Variants in GFRA2 observed in about 807,000 individuals in gnomAD.
GFRA2 encodes the protein GDNF family receptor alpha-2.
Under a neutral mutation model 48.3 loss-of-function variants are expected in GFRA2, and 17 were observed. The observed-to-expected ratio is 0.35, with a 90% CI of 0.24 to 0.53. The LOEUF is 0.53. Ranked by LOEUF, GFRA2 falls within the 20% of genes least tolerant of loss-of-function variation. The pLI is 0.93. For missense variants in GFRA2, 660 were observed against 637.3 expected, an observed-to-expected ratio of 1.04 and a Z score of -0.38; for synonymous variants, 305 against 257.2, an observed-to-expected ratio of 1.19 and a Z score of -1.78.
intron 1 of GFRA2, among the ~76,000 whole-genome samples, chr8:21,811,870 A>G (rs915078457): frequency 9.2e-5 from 14 of 152,058 alleles, no homozygotes; most frequent in African/African-American, 3.1e-4. Context: ...ACCCTTGCCC[A>G]TTTTCCCTGA....
chr8:21,776,078 CATCCAGGCAGGGCCTGGT>C lies in GFRA2; in HGVS notation c.356-1041_356-1024del, dbSNP rs1477112769. Among the ~76,000 whole-genome samples, 17 of 150,584 alleles carry C rather than the reference CATCCAGGCAGGGCCTGGT, an allele frequency of 1.1e-4. No homozygotes were observed. In the East Asian group the frequency reaches 1.2e-3, roughly 10 times the overall value. ...GGCACAGCCTCACAGACTCATTTCC[CATCCAGGCAGGGCCTGGT>C]GCCCAGGCAGGCACCCTCTGCCTAA... On this transcript the variant is annotated intron_variant, in intron 2 of 8. Coordinates refer to ENST00000524240, the MANE Select transcript of GFRA2 (RefSeq NM_001495.5).
intron 3 of GFRA2, among the ~76,000 whole-genome samples, chr8:21,755,343 C>A (rs1805517132): frequency 6.6e-6 from 1 of 152,004 alleles, no homozygotes. Context: ...ACTCTCTGTA[C>A]CTTCCTCTCA....
chr8:21,745,461 C>G (rs1804959151), intron 4 of GFRA2, among the ~76,000 whole-genome samples: 1 of 152,390 alleles, frequency 6.6e-6, no homozygotes, highest in Admixed American at 6.5e-5. Context: ...GGACACCCAT[C>G]AAGGCCGGCT....
intron 5 of GFRA2, 72 bp from the exon 6 acceptor site, chr8:21,705,197 C>G: frequency 6.7e-7 from 1 of 1,500,972 alleles, no homozygotes; most frequent in African/African-American, 1.4e-5. Flanking sequence ...ACAGACCAAC[C>G]CCAGGCACAG....
At chr8:21,805,467 C>A (rs775689143) in intron 1 of GFRA2, among the ~76,000 whole-genome samples, 1 of 152,120 alleles carries the variant, frequency 6.6e-6, no homozygotes, top group Non-Finnish European at 1.5e-5. Flanking sequence ...ATGGGATGGC[C>A]CCAGTATATG....
At chr8:21,698,591 C>A (rs895965017) in intron 7 of GFRA2, among the ~76,000 whole-genome samples, 1 of 152,184 alleles carries the variant, frequency 6.6e-6, no homozygotes, top group Non-Finnish European at 1.5e-5. Flanking sequence ...TAAATCTCAG[C>A]GCTCCTGGCC....
At chr8:21,727,080 A>G (rs1442021424) in intron 4 of GFRA2, among the ~76,000 whole-genome samples, 1 of 152,156 alleles carries the variant, frequency 6.6e-6, no homozygotes, top group African/African-American at 2.4e-5. Flanking sequence ...CAAAGGCCAC[A>G]TTCTGAAGTT....
intron 4 of GFRA2, among the ~76,000 whole-genome samples, chr8:21,738,889 G>A (rs1804614622): frequency 6.6e-6 from 1 of 152,204 alleles, no homozygotes; most frequent in African/African-American, 2.4e-5. Context: ...CTCCACGAAA[G>A]GCCTCCTGAA....
chr8:21,725,856 T>C (rs1803843435), intron 4 of GFRA2, among the ~76,000 whole-genome samples: 2 of 152,220 alleles, frequency 1.3e-5, no homozygotes, highest in African/African-American at 2.4e-5. Context: ...GCATCCAGCA[T>C]CACCCGCTGG....
chr8:21,700,976 CAG>C (rs957733812), intron 7 of GFRA2, among the ~76,000 whole-genome samples: 2 of 152,176 alleles, frequency 1.3e-5, no homozygotes, highest in East Asian at 3.9e-4. Flanking sequence ...AGCTGAGAGA[CAG>C]GGGACAGATG....
chr8:21,719,984 GAAGACCTCCTACTCA>G (rs1414392137), intron 4 of GFRA2, among the ~76,000 whole-genome samples: 4 of 152,072 alleles, frequency 2.6e-5, no homozygotes, highest in Admixed American at 2.6e-4. Flanking sequence ...TCCCAATTCT[GAAGACCTCCTACTCA>G]AAGACCCAGA....
Position 21,788,264 on chromosome 8 carries a change from A to G in GFRA2, c.-105T>C. The G allele has an allele frequency of 7.5e-6, 11 of 1,470,764 alleles. No individual in the cohort carries two copies. Among genetic ancestry groups the G allele is most frequent in the Non-Finnish European group, 9.9e-6 (11 of 1,109,168 alleles). The allele number at this position is 1,470,764 out of a possible 1,614,324, so 91.1% of individuals were successfully genotyped here. ...AGGCAAGCAGTGGTAATCAGCCCCA[A>G]ATCCAATGCGGAGATCCCAGCTAGT... On this transcript the variant is annotated 5_prime_UTR_variant, in exon 1 of 9. Coordinates refer to ENST00000524240, the MANE Select transcript of GFRA2 (RefSeq NM_001495.5).
At chr8:21,771,399 C>T (rs1055312743) in intron 3 of GFRA2, among the ~76,000 whole-genome samples, 3 of 152,216 alleles carry the variant, frequency 2.0e-5, no homozygotes, top group Admixed American at 6.5e-5. Flanking sequence ...TATGTGGACA[C>T]GTCCAACATC....
chr8:21,777,515 C>T (rs1806765979), intron 2 of GFRA2, among the ~76,000 whole-genome samples: 1 of 152,150 alleles, frequency 6.6e-6, no homozygotes, highest in Non-Finnish European at 1.5e-5. Flanking sequence ...GTGAGAAATC[C>T]CGAGGTGTGA....
chr8:21,779,605 G>A (rs1218196100), intron 2 of GFRA2: 2 of 152,234 alleles, frequency 1.3e-5, no homozygotes, highest in Non-Finnish European at 2.9e-5. Flanking sequence ...CCGGCTCTGG[G>A]TGAAGACAGC....
At chr8:21,796,182 A>G (rs1021609219) in intron 2 of GFRA2, among the ~76,000 whole-genome samples, 2 of 152,206 alleles carry the variant, frequency 1.3e-5, no homozygotes, top group African/African-American at 2.4e-5. Flanking sequence ...AGTTGGCACT[A>G]TACTGGCTAC....
At chr8:21,721,610 C>G (rs1015472825) in intron 4 of GFRA2, among the ~76,000 whole-genome samples, 2 of 152,208 alleles carry the variant, frequency 1.3e-5, no homozygotes, top group Non-Finnish European at 2.9e-5. Flanking sequence ...AACCAAACCA[C>G]CCTATGCAAA....
chr8:21,766,663 G>C (rs1806168678), intron 3 of GFRA2, among the ~76,000 whole-genome samples: 1 of 148,950 alleles, frequency 6.7e-6, no homozygotes, highest in Admixed American at 6.7e-5. Context: ...TCCCCTAAGA[G>C]GATGAACAGG....
chr8:21,784,423 C>G (rs1051877011), intron 1 of GFRA2: 14 of 440,606 alleles, frequency 3.2e-5, no homozygotes, highest in African/African-American at 2.6e-4. Flanking sequence ...AAGTCCCCTC[C>G]TCAATACCGC....
Sources: allele counts gnomAD v4.1 joint callset (sites outside exome capture counted in the v4.1 genomes callset), GRCh38; gene constraint gnomAD v4.1.1; transcripts MANE v1.5; gene names NCBI Gene and HGNC (gene_info 2026-07-23, HGNC 2026-07-21).